Variants in TTN observed in about 807,000 individuals in gnomAD.
The protein encoded by TTN is connectin.
A neutral mutation model predicts 3,223.0 loss-of-function variants in TTN; 1,525 were observed. The observed-to-expected ratio is 0.47, with a 90% CI of 0.45 to 0.49. The LOEUF (loss-of-function observed/expected upper bound fraction) is 0.49. TTN is among the 20% of genes least tolerant of loss of function. TTN has a pLI of 0.00. For synonymous variants in TTN, 14,094 were observed against 15,161.0 expected (o/e 0.93, Z 5.17); for missense variants, 40,786 against 43,424.0 (o/e 0.94, Z 5.40).
At chr2:178,750,635 T>C (rs2085196365) in intron 47 of TTN, 1 of 1,612,772 alleles carries the variant, frequency 6.2e-7, no homozygotes, top group Non-Finnish European at 8.5e-7. Flanking sequence ...TTCCTTCTGT[T>C]CGGTTTTGAA....
In TTN at chr2:178,741,758, T is replaced by A; in HGVS notation, c.11475A>T (p.Glu3825Asp). ...KEGTGPIFIK[E>D]VSNADISMGD... ...CCATGCTTATATCAGCATTTGACAC[T>A]TCTTTGATGAAAATTGGGCCAGTGC... Residue 3825 changes from glutamate to aspartate, a missense_variant, in exon 48 of 363, where the codon GAA becomes GAT. Coordinates refer to ENST00000589042, the MANE Select transcript of TTN (RefSeq NM_001267550.2). 2 of 1,613,654 alleles carry A rather than the reference T, an allele frequency of 1.2e-6. No homozygotes were observed. Among genetic ancestry groups the A allele is most frequent in the South Asian group, 2.2e-5 (2 of 91,082 alleles).
chr2:178,727,889 TAATTA>T, intron 67 of TTN, 26 bp from the exon 68 acceptor site: 1 of 1,522,780 alleles, frequency 6.6e-7, no homozygotes, highest in Non-Finnish European at 8.8e-7. Context: ...GAGATATATT[TAATTA>T]AATTGCTTGC....
chr2:178,772,370 C>T (rs541774037), intron 33 of TTN, among the ~76,000 whole-genome samples: 17 of 152,132 alleles, frequency 1.1e-4, no homozygotes, highest in Middle Eastern at 3.4e-3. Context: ...ATGGACAACA[C>T]GATCTGAATG....
intron 336 of TTN, 109 bp from the exon 337 acceptor site, chr2:178,550,382 C>G (rs1559188738): frequency 2.3e-6 from 2 of 868,956 alleles, no homozygotes; most frequent in Middle Eastern, 7.0e-4. Flanking sequence ...GTAGTGACTT[C>G]TACTGTGCTA....
intron 47 of TTN, among the ~76,000 whole-genome samples, chr2:178,744,017 T>C (rs1162589236): frequency 6.6e-6 from 1 of 151,912 alleles, no homozygotes; most frequent in Non-Finnish European, 1.5e-5. Context: ...TTCTTTAATT[T>C]GGATAGCTGT....
rs367755163 is a variant in TTN, at chr2:178,545,932, G to C, written c.95304C>G (p.Val31768=). ...VEGECPTLSY[V]VTRLIKNNEY... ...CATTGTTCTTGATGAGCCTGGTAAC[G>C]ACATAGGATAGGGTTGGGCATTCGC... The change falls in exon 343 of 363, where the codon GTC becomes GTG. Residue 31768 remains valine (V), a synonymous_variant. Coordinates refer to ENST00000589042, the MANE Select transcript of TTN (RefSeq NM_001267550.2). 1.2e-6 allele frequency: 2 copies of C among 1,613,864 alleles called. No homozygotes were observed. Among genetic ancestry groups the C allele is most frequent in the Non-Finnish European group, 1.7e-6 (2 of 1,179,794 alleles).
chr2:178,582,469 C>T lies in TTN; in HGVS notation c.65987G>A (p.Arg21996His), dbSNP rs374489349. ...SEITNYIVDK[R>H]ETSRPNWAQV... ...AGCCCAGTTGGGCCTGCTTGTTTCACGTTTGTCAACAATATAGTTGGTGAT... is the reference window on the plus strand; with the variant it reads ...AGCCCAGTTGGGCCTGCTTGTTTCATGTTTGTCAACAATATAGTTGGTGAT... Residue 21996 changes from arginine (R) to histidine (H), a missense_variant, in exon 314 of 363, where the codon CGT becomes CAT. Transcript: ENST00000589042. 74 of 1,612,808 alleles carry T rather than the reference C, an allele frequency of 4.6e-5. No homozygotes were observed. The highest frequency in any genetic ancestry group is 5.8e-5 in the Non-Finnish European group (68 of 1,179,358).
chr2:178,751,966 T>G, intron 47 of TTN: 1 of 1,590,234 alleles, frequency 6.3e-7, no homozygotes, highest in Non-Finnish European at 8.5e-7. Context: ...ATTTGTGGTC[T>G]ATGTCTTCAG....
Position 178,611,248 on chromosome 2 carries a change from T to C in TTN, c.50881A>G (p.Thr16961Ala). 6.2e-7 allele frequency: 1 copy of C among 1,612,226 alleles called. No individual in the cohort carries two copies. The highest frequency in any genetic ancestry group is 1.3e-5 in the African/African-American group (1 of 74,906). ...CCTTCAATAACAATAATGTCATGAG[T>C]CTCCAGGTCAATTGTTGGCTTGCCT... ...PDCKPTIDLETHDIIVIEGEK... is the reference protein window; with the variant it reads ...PDCKPTIDLEAHDIIVIEGEK... Residue 16961 changes from threonine to alanine, a missense_variant, in exon 270 of 363, where the codon ACT becomes GCT. Coordinates refer to ENST00000589042, the MANE Select transcript of TTN (RefSeq NM_001267550.2).
Position 178,535,530 on chromosome 2 carries a change from TC to T in TTN, c.101084del (p.Gly33695GlufsTer14). The T allele has an allele frequency of 6.2e-7, 1 of 1,613,900 alleles. No homozygotes were observed. The highest frequency in any genetic ancestry group is 8.5e-7 in the Non-Finnish European group (1 of 1,179,828). On this transcript the variant is annotated frameshift_variant, in exon 358 of 363. Coordinates refer to ENST00000589042, the MANE Select transcript of TTN (RefSeq NM_001267550.2). LOFTEE classifies it high-confidence loss of function. ...CTCGTGAGACATCACTAACTTTGAC[TC>T]CTCTGGGTGGGTCAGGAACATCAGC... ...DVADVPDPPR[G>X]VKVSDVSRDS...
rs748057839 is a variant in TTN, at chr2:178,540,075, T to G, written c.98091A>C (p.Glu32697Asp). ...AEVPGTVKVT[E>D]MLEYPDYELD... ...AATGATCATATGTCTCACCAAGCAT[T>G]TCAGTGACTTTGACTGTTCCTGGTA... is the stretch of plus-strand genomic sequence containing the variant. The change falls in exon 351 of 363, where the codon GAA becomes GAC. Residue 32697 changes from glutamate (E) to aspartate (D), a missense_variant. Coordinates refer to ENST00000589042, the MANE Select transcript of TTN (RefSeq NM_001267550.2). 6.3e-6 allele frequency: 10 copies of G among 1,599,518 alleles called. No homozygotes were observed. In the East Asian group the frequency reaches 2.0e-4, roughly 32 times the overall value.
At chr2:178,757,442 CA>C in intron 45 of TTN, 99 bp downstream of exon 45, 1 of 1,408,806 alleles carries the variant, frequency 7.1e-7, no homozygotes, top group South Asian at 1.8e-5. Flanking sequence ...ATGGACTGAC[CA>C]CAGTATGCAA....
chr2:178,588,611 G>T lies in TTN; in HGVS notation c.63114C>A (p.Val21038=), dbSNP rs201642579. 1 of 1,573,886 alleles carries T rather than the reference G, an allele frequency of 6.4e-7. No homozygotes were observed. Among genetic ancestry groups the T allele is most frequent in the East Asian group, 2.2e-5 (1 of 44,480 alleles). Residue 21038 remains valine (V), a synonymous_variant, in exon 304 of 363, where the codon GTC becomes GTA. Transcript: ENST00000589042. ...LLPDHEYQFR[V]KAENEIGIGE... is the part of the protein sequence containing the mutation. ...CAATTCCAATTTCATTTTCTGCCTT[G>T]ACACGGAACTGATATTCATGGTCTG...
Position 178,534,688 on chromosome 2 carries a change from A to T in TTN, c.101927T>A (p.Phe33976Tyr). The stretch of plus-strand genomic sequence containing the variant: ...AGGTGCATAGTATTCTGGGGCAGTG[A>T]ATAGAAGCCTGAAGTTGTCCCCTGG... Reference protein sequence around the residue: ...LKPGDNFRLLFTAPEYYAPEV... With the variant: ...LKPGDNFRLLYTAPEYYAPEV... Residue 33976 changes from phenylalanine to tyrosine, a missense_variant, in exon 358 of 363, where the codon TTC (phenylalanine) becomes TAC (tyrosine). Physicochemically the swap from Phe to Tyr is conservative, Grantham distance 22. Coordinates refer to ENST00000589042, the MANE Select transcript of TTN (RefSeq NM_001267550.2). The T allele has an allele frequency of 1.2e-6, 2 of 1,613,848 alleles. No homozygotes were observed. Among genetic ancestry groups the T allele is most frequent in the Non-Finnish European group, 1.7e-6 (2 of 1,179,786 alleles).
At position 178,747,804 on chromosome 2, in the gene TTN, G is replaced by A; in HGVS notation, c.11311+5320C>T. ...AAAGTGGAGAAAGAAGCTTCATTCT[G>A]AACTTGAACTTCTTCATAACATTTT... On this transcript the variant is annotated intron_variant, in intron 47 of 362. Transcript: ENST00000589042. 1 of 1,612,486 alleles carries A rather than the reference G, an allele frequency of 6.2e-7. No individual in the cohort carries two copies. Among genetic ancestry groups the A allele is most frequent in the Non-Finnish European group, 8.5e-7 (1 of 1,179,412 alleles).
At chr2:178,691,590 G>A (rs1395421888) in intron 121 of TTN, among the ~76,000 whole-genome samples, 1 of 152,112 alleles carries the variant, frequency 6.6e-6, no homozygotes, top group Non-Finnish European at 1.5e-5. Flanking sequence ...TTAACATTCA[G>A]TTCTGCCAGA....
chr2:178,535,375 T>C lies in TTN; in HGVS notation c.101240A>G (p.Tyr33747Cys). ...LRVGQARETR[Y>C]TVINLFGKTS... ...TTTTCCAAATAAGTTGATCACGGTATAACGTGTTTCTCGGGCCTGTCCTAC... is the reference window on the plus strand; with the variant it reads ...TTTTCCAAATAAGTTGATCACGGTACAACGTGTTTCTCGGGCCTGTCCTAC... The change falls in exon 358 of 363, where the codon TAT (tyrosine) becomes TGT (cysteine). Residue 33747 changes from tyrosine to cysteine, a missense_variant. By Grantham distance (194) the Tyr-to-Cys change is radical. Transcript: ENST00000589042. 6.2e-7 allele frequency: 1 copy of C among 1,613,940 alleles called. No individual in the cohort carries two copies. The highest frequency in any genetic ancestry group is 8.5e-7 in the Non-Finnish European group (1 of 1,179,846).
At chr2:178,752,811 C>T (rs2154332113) in intron 47 of TTN, among the ~76,000 whole-genome samples, 1 of 152,154 alleles carries the variant, frequency 6.6e-6, no homozygotes, top group South Asian at 2.1e-4. Flanking sequence ...ACTTCTACTT[C>T]ATGATTTCAT....
chr2:178,592,226 G>A lies in TTN; in HGVS notation c.59678C>T (p.Ser19893Leu), dbSNP rs766590578. Residue 19893 changes from serine to leucine, a missense_variant, in exon 302 of 363, where the codon TCA (serine) becomes TTA (leucine). Transcript: ENST00000589042. ...TGGTTCTTTCCAAGTAAGGTAACAT[G>A]AATCTTTCCTAATTTCACTGACTTC... ...DLEVSEIRKD[S>L]CYLTWKEPLD... 2 of 1,611,556 alleles carry A rather than the reference G, an allele frequency of 1.2e-6. No individual in the cohort carries two copies. The highest frequency in any genetic ancestry group is 1.7e-6 in the Non-Finnish European group (2 of 1,178,834).
Sources: allele counts gnomAD v4.1 joint callset (sites outside exome capture counted in the v4.1 genomes callset), GRCh38; gene constraint gnomAD v4.1.1; transcripts MANE v1.5; gene names NCBI Gene and HGNC (gene_info 2026-07-23, HGNC 2026-07-21).